Variants in DLGAP1 observed in about 807,000 individuals in gnomAD.
DLGAP1 encodes DLG associated protein 1.
In DLGAP1, 11 loss-of-function variants were observed where a neutral mutation model predicts 90.8. The observed-to-expected ratio is 0.12, with a 90% CI of 0.08 to 0.20. The LOEUF (loss-of-function observed/expected upper bound fraction) is 0.20, where lower values mean the gene tolerates loss of function less well. DLGAP1 is among the 10% of genes least tolerant of loss of function. The probability of loss-of-function intolerance (pLI) is 1.00; values close to 1 mark genes in which losing one functional copy is unlikely to be tolerated. For missense variants in DLGAP1, 1,050 were observed against 1,333.8 expected, an observed-to-expected ratio of 0.79 and a Z score of 3.31; for synonymous variants, 558 against 540.7, an observed-to-expected ratio of 1.03 and a Z score of -0.44.
intron 7 of DLGAP1, among the ~76,000 whole-genome samples, chr18:3,593,496 A>G (rs1463415586): frequency 6.6e-6 from 1 of 152,218 alleles, no homozygotes; most frequent in Non-Finnish European, 1.5e-5. Context: ...GGTATCCCAC[A>G]GTCTTCTCTC....
chr18:4,119,231 A>G (rs2076114421), intron 2 of DLGAP1, among the ~76,000 whole-genome samples: 1 of 152,152 alleles, frequency 6.6e-6, no homozygotes, highest in Non-Finnish European at 1.5e-5. Flanking sequence ...AGCTGGGACT[A>G]TAGGCATGTG....
At chr18:3,506,550 G>A (rs560638512) in intron 11 of DLGAP1, among the ~76,000 whole-genome samples, 1,289 of 127,140 alleles carry the variant, frequency 0.01, 8 homozygotes, top group Middle Eastern at 0.018. Flanking sequence ...GGAACTCCAT[G>A]TCAAAAAAAA....
intron 7 of DLGAP1, among the ~76,000 whole-genome samples, chr18:3,725,839 ACCTAGAGGATC>A (rs2062154433): frequency 6.6e-6 from 1 of 152,278 alleles, no homozygotes; most frequent in South Asian, 2.1e-4. Context: ...ACCTACTAAT[ACCTAGAGGATC>A]CCTGCAGCCA....
intron 7 of DLGAP1, chr18:3,604,256 A>C (rs1412601484): frequency 6.6e-6 from 1 of 152,178 alleles, no homozygotes; most frequent in African/African-American, 2.4e-5. Flanking sequence ...GGGGATTTGA[A>C]TCTTGCCTGT....
intron 7 of DLGAP1, among the ~76,000 whole-genome samples, chr18:3,635,193 G>C (rs28706173): frequency 0.046 from 6,912 of 151,252 alleles, 329 homozygotes; most frequent in African/African-American, 0.12. Context: ...TGCAGTGGCG[G>C]GATCTCGGCT....
chr18:3,510,881 A>G (rs1023834762), intron 10 of DLGAP1, among the ~76,000 whole-genome samples: 4 of 152,256 alleles, frequency 2.6e-5, no homozygotes, highest in Non-Finnish European at 4.4e-5. Flanking sequence ...GTTCTAAGCC[A>G]TTATTAGGGC....
intron 9 of DLGAP1, among the ~76,000 whole-genome samples, chr18:3,561,245 G>A (rs1414430664): frequency 1.5e-5 from 2 of 130,612 alleles, no homozygotes; most frequent in South Asian, 2.4e-4. Context: ...GTGAAACACC[G>A]TCTCTACTAA....
intron 3 of DLGAP1, among the ~76,000 whole-genome samples, chr18:3,939,147 G>A (rs2072708278): frequency 7.1e-6 from 1 of 141,680 alleles, no homozygotes; most frequent in South Asian, 2.3e-4. Flanking sequence ...TGGCTTAGGT[G>A]GGTGGTGGCT....
intron 4 of DLGAP1, among the ~76,000 whole-genome samples, chr18:3,869,536 A>C (rs3745048): frequency 1.3e-5 from 2 of 152,002 alleles, no homozygotes; most frequent in Non-Finnish European, 2.9e-5. Context: ...AGCCTGGGTG[A>C]CAAAGGGAAA....
At chr18:3,767,306 A>G (rs919417379) in intron 5 of DLGAP1, among the ~76,000 whole-genome samples, 3 of 152,132 alleles carry the variant, frequency 2.0e-5, no homozygotes, top group Admixed American at 6.5e-5. Context: ...TCACAGGAGG[A>G]TGTCACCAAC....
At chr18:4,141,739 T>C (rs1447656714) in intron 2 of DLGAP1, among the ~76,000 whole-genome samples, 1 of 151,792 alleles carries the variant, frequency 6.6e-6, no homozygotes, top group Non-Finnish European at 1.5e-5. Context: ...CTTGATCAAT[T>C]CTGCTGGTAA....
chr18:4,389,933 G>A (rs556706), intron 1 of DLGAP1, among the ~76,000 whole-genome samples: 138,078 of 152,214 alleles, frequency 0.91, 63,004 homozygotes, highest in East Asian at 1. Context: ...TTTCCTTCAT[G>A]TTTCTAAGAT....
intron 2 of DLGAP1, among the ~76,000 whole-genome samples, chr18:4,150,798 T>C (rs1457273730): frequency 6.6e-6 from 1 of 152,258 alleles, no homozygotes; most frequent in African/African-American, 2.4e-5. Context: ...AATGCAAATT[T>C]GTTCAATATG....
Position 4,250,840 on chromosome 18 carries a change from C to G in DLGAP1, c.-266-99553G>C, listed in dbSNP as rs575292165. ...TATTCAAAAGCAGACCTACATGAAGCTGAAAAAAGAAAATAAAACCCTAAA... is the reference window on the plus strand; with the variant it reads ...TATTCAAAAGCAGACCTACATGAAGGTGAAAAAAGAAAATAAAACCCTAAA... On this transcript the variant is annotated intron_variant, in intron 1 of 12. Coordinates refer to ENST00000315677, the MANE Select transcript of DLGAP1 (RefSeq NM_004746.4). 3.0e-4 allele frequency among the ~76,000 whole-genome samples: 46 copies of G among 151,638 alleles called. No homozygotes were observed. In the South Asian group the frequency reaches 9.4e-3, roughly 31 times the overall value.
intron 3 of DLGAP1, among the ~76,000 whole-genome samples, chr18:3,994,863 A>G (rs1210243826): frequency 3.3e-5 from 5 of 151,952 alleles, no homozygotes; most frequent in African/African-American, 1.2e-4. Context: ...TCTTTAATAC[A>G]TATAGATTCT....
intron 5 of DLGAP1, among the ~76,000 whole-genome samples, chr18:3,795,906 G>A (rs16945390): frequency 0.12 from 18,993 of 152,064 alleles, 1,263 homozygotes; most frequent in Middle Eastern, 0.16. Flanking sequence ...GTATGATCTC[G>A]TTGGACATCT....
At chr18:4,098,842 A>G (rs193052232) in intron 2 of DLGAP1, among the ~76,000 whole-genome samples, 4 of 152,276 alleles carry the variant, frequency 2.6e-5, no homozygotes, top group Admixed American at 2.6e-4. Context: ...TTTGTTTGAG[A>G]TCTTTAGACA....
intron 7 of DLGAP1, among the ~76,000 whole-genome samples, chr18:3,600,721 G>GATATATAT (rs1568277280): frequency 4.2e-5 from 1 of 23,622 alleles, no homozygotes; most frequent in African/African-American, 2.6e-4. Flanking sequence ...TATAGATATA[G>GATATATAT]AGATATAGAT....
intron 2 of DLGAP1, among the ~76,000 whole-genome samples, chr18:4,103,092 C>T (rs1041885791): frequency 2.0e-5 from 3 of 152,196 alleles, no homozygotes; most frequent in African/African-American, 4.8e-5. Flanking sequence ...TGATACTTGG[C>T]GGAGAAAGTG....
Sources: gnomAD v4.1 joint callset for allele counts (sites outside exome capture counted in the v4.1 genomes callset) on GRCh38, gnomAD v4.1.1 for gene constraint, MANE v1.5 for transcripts, NCBI Gene and HGNC (gene_info 2026-07-23, HGNC 2026-07-21) for gene names.